CUEDC1: variants seen among roughly 807,000 people sequenced by gnomAD.
CUEDC1 encodes the protein CUE domain-containing protein 1.
A neutral mutation model predicts 43.7 loss-of-function variants in CUEDC1; 30 were observed. The ratio of observed to expected loss-of-function variants is 0.69; its 90% CI spans 0.51 to 0.93. CUEDC1 has a LOEUF of 0.93. Ranked by LOEUF, CUEDC1 falls within the 40% of genes least tolerant of loss-of-function variation. The pLI is 0.00. For synonymous variants in CUEDC1, 223 were observed against 223.6 expected (o/e 1.00, Z 0.02); for missense variants, 486 against 549.0 (o/e 0.89, Z 1.15).
intron 8 of CUEDC1, chr17:57,867,699 G>A (rs2073980206): frequency 7.4e-6 from 4 of 537,556 alleles, no homozygotes; most frequent in Non-Finnish European, 1.3e-5. Flanking sequence ...GGCCCTGTTT[G>A]AGAAGCATGA....
intron 1 of CUEDC1, chr17:57,912,451 T>G (rs1434309682): frequency 6.6e-6 from 1 of 152,152 alleles, no homozygotes; most frequent in Non-Finnish European, 1.5e-5. Context: ...TTCAAACATC[T>G]GGGGTTCCGG....
intron 1 of CUEDC1, among the ~76,000 whole-genome samples, chr17:57,931,776 C>T (rs1428466560): frequency 6.6e-6 from 1 of 152,148 alleles, no homozygotes; most frequent in African/African-American, 2.4e-5. Context: ...GACACAGTCC[C>T]GAATCCAGGG....
intron 1 of CUEDC1, among the ~76,000 whole-genome samples, chr17:57,946,337 A>G (rs2074959481): frequency 6.6e-6 from 1 of 152,214 alleles, no homozygotes; most frequent in Non-Finnish European, 1.5e-5. Context: ...ATGATGCTCT[A>G]GTACTGCTGA....
intron 1 of CUEDC1, among the ~76,000 whole-genome samples, chr17:57,890,219 C>T (rs2074340415): frequency 6.6e-6 from 1 of 152,200 alleles, no homozygotes; most frequent in South Asian, 2.1e-4. Flanking sequence ...GCTCACAGGG[C>T]TATGAGCCAA....
At chr17:57,953,628 C>CA in intron 1 of CUEDC1, among the ~76,000 whole-genome samples, 1 of 152,302 alleles carries the variant, frequency 6.6e-6, no homozygotes, top group South Asian at 2.1e-4. Context: ...TACACACATG[C>CA]ATTTTGGAAG....
chr17:57,925,896 C>A (rs1359202829), intron 1 of CUEDC1, among the ~76,000 whole-genome samples: 1 of 152,212 alleles, frequency 6.6e-6, no homozygotes, highest in Non-Finnish European at 1.5e-5. Context: ...GTTCACCTGA[C>A]CGCCTGTCCT....
rs775854886 is a variant in CUEDC1, at chr17:57,885,502, G to A, written c.63C>T (p.Arg21=). 1.2e-5 allele frequency: 18 copies of A among 1,477,202 alleles called. No individual in the cohort carries two copies. Among genetic ancestry groups the A allele is most frequent in the Middle Eastern group, 1.9e-4 (1 of 5,354 alleles). The allele number at this position is 1,477,202 out of a possible 1,614,324, so 91.5% of individuals were successfully genotyped here. A position where few individuals can be genotyped will look rare whatever the true frequency, so the allele number is the denominator to read the frequency against. ...GGGCGGCCGTGCCTCCCCCGCCCCC[G>A]CGTGCCCCGGCGGTGCCACCCCCGC... ...GSGGGGTAGA[R]GGGGGTAAPQ... The change falls in exon 2 of 11, where the codon CGC becomes CGT. Residue 21 remains arginine (R), a synonymous_variant. Coordinates refer to ENST00000577830, the MANE Select transcript of CUEDC1 (RefSeq NM_001271875.2).
intron 4 of CUEDC1, 116 bp from the exon 5 acceptor site, chr17:57,872,971 A>T (rs2074057290): frequency 1.3e-5 from 12 of 959,800 alleles, no homozygotes; most frequent in Non-Finnish European, 1.7e-5. Flanking sequence ...CCCTCACCTG[A>T]GGCTCACACC....
intron 1 of CUEDC1, among the ~76,000 whole-genome samples, chr17:57,943,016 A>C (rs2074931066): frequency 6.7e-6 from 1 of 149,590 alleles, no homozygotes; most frequent in South Asian, 2.1e-4. Flanking sequence ...TGACGGAGTG[A>C]GACTCTGTCT....
intron 1 of CUEDC1, among the ~76,000 whole-genome samples, chr17:57,936,686 G>A (rs1006554851): frequency 3.3e-5 from 5 of 152,046 alleles, no homozygotes; most frequent in Non-Finnish European, 5.9e-5. Flanking sequence ...CGCAACCCGG[G>A]TGAGGCTCAG....
At chr17:57,920,200 A>G (rs2074685314) in intron 1 of CUEDC1, among the ~76,000 whole-genome samples, 1 of 152,240 alleles carries the variant, frequency 6.6e-6, no homozygotes, top group African/African-American at 2.4e-5. Context: ...TGAGACCAGC[A>G]GCATCAACAG....
chr17:57,944,192 A>ATT (rs145855386), intron 1 of CUEDC1, among the ~76,000 whole-genome samples: 1 of 144,030 alleles, frequency 6.9e-6, no homozygotes, highest in Non-Finnish European at 1.5e-5. Context: ...ATTATTATTT[A>ATT]TTTTTTTATA....
chr17:57,906,878 G>A (rs2074534517), intron 1 of CUEDC1, among the ~76,000 whole-genome samples: 1 of 151,808 alleles, frequency 6.6e-6, no homozygotes, highest in Admixed American at 6.6e-5. Flanking sequence ...GGCTGAGGCA[G>A]GAGAATCGCT....
intron 1 of CUEDC1, among the ~76,000 whole-genome samples, chr17:57,944,794 C>T (rs1003398623): frequency 6.6e-6 from 1 of 152,192 alleles, no homozygotes; most frequent in Admixed American, 6.5e-5. Context: ...AGAAGTCCCA[C>T]GGATCAGCAT....
At chr17:57,906,260 G>T (rs2074528965) in intron 1 of CUEDC1, among the ~76,000 whole-genome samples, 1 of 152,172 alleles carries the variant, frequency 6.6e-6, no homozygotes, top group African/African-American at 2.4e-5. Flanking sequence ...TAGAACAATG[G>T]AATATTACTC....
chr17:57,866,337 G>C (rs143492635), intron 10 of CUEDC1, 137 bp downstream of exon 10: 1 of 672,898 alleles, frequency 1.5e-6, no homozygotes, highest in African/African-American at 1.8e-5. Flanking sequence ...GCAACTATGA[G>C]GGAAGACACG....
intron 1 of CUEDC1, among the ~76,000 whole-genome samples, chr17:57,887,655 C>CTTGTTTTTT (rs2074308169): frequency 1.7e-5 from 1 of 58,032 alleles, no homozygotes; most frequent in African/African-American, 6.9e-5. Context: ...CCACGCCTGG[C>CTTGTTTTTT]TTTTTTTTTT....
chr17:57,886,816 T>TG (rs1555659381), intron 1 of CUEDC1, among the ~76,000 whole-genome samples: 1 of 141,074 alleles, frequency 7.1e-6, no homozygotes, highest in African/African-American at 2.7e-5. Flanking sequence ...AAATTCTGGT[T>TG]GTTTTTTTTT....
At chr17:57,939,527 A>T (rs2074896059) in intron 1 of CUEDC1, among the ~76,000 whole-genome samples, 1 of 148,370 alleles carries the variant, frequency 6.7e-6, no homozygotes, top group African/African-American at 2.6e-5. Context: ...TGATCCTCCC[A>T]CCTTGGCCCC....
Sources: gnomAD v4.1 joint callset for allele counts (sites outside exome capture counted in the v4.1 genomes callset) on GRCh38, gnomAD v4.1.1 for gene constraint, MANE v1.5 for transcripts, NCBI Gene and HGNC (gene_info 2026-07-23, HGNC 2026-07-21) for gene names.